The following SDC4 variants were observed in gnomAD, a reference collection of about 807,000 sequenced individuals.
The protein encoded by SDC4 is syndecan 4, also known as syndecan-4.
In SDC4, 17 loss-of-function variants were observed where a neutral mutation model predicts 20.5. The observed-to-expected ratio is 0.83, with a 90% CI of 0.57 to 1.25. SDC4 has a LOEUF of 1.25. SDC4 is among the 50% of genes most tolerant of loss of function. The probability of loss-of-function intolerance (pLI) is 0.00; values close to 1 mark genes in which losing one functional copy is unlikely to be tolerated. For synonymous variants in SDC4, 107 were observed against 105.3 expected (o/e 1.02, Z -0.10); for missense variants, 241 against 252.3 (o/e 0.96, Z 0.30).
intron 1 of SDC4, among the ~76,000 whole-genome samples, chr20:45,337,566 AG>A (rs1466165143): frequency 6.6e-6 from 1 of 152,250 alleles, no homozygotes; most frequent in Non-Finnish European, 1.5e-5. Flanking sequence ...CACCCCAGGC[AG>A]TCCTTCACTC....
At chr20:45,330,590 C>T in intron 3 of SDC4, 26 bp from the exon 4 acceptor site, 1 of 1,604,378 alleles carries the variant, frequency 6.2e-7, no homozygotes, top group South Asian at 1.1e-5. Flanking sequence ...GGAGAAGAGA[C>T]ACTCAGCGTA....
In SDC4 at chr20:45,334,334, T is replaced by C. The variant is rs117796294; in HGVS notation, c.200-1265A>G. Among the ~76,000 whole-genome samples the C allele has an allele frequency of 7.2e-4, 109 of 151,896 alleles. 1 individual carries two copies. In the East Asian group the frequency reaches 0.019, roughly 26 times the overall value. ...TTAACAAGATCCCCAGGGAATTAAC[T>C]TTTGAGAAAGAAAACTCTAACTGCA... On this transcript the variant is annotated intron_variant, in intron 2 of 4. Coordinates refer to ENST00000372733, the MANE Select transcript of SDC4 (RefSeq NM_002999.4).
chr20:45,338,477 TGA>T (rs1389840561), intron 1 of SDC4, among the ~76,000 whole-genome samples: 2 of 152,196 alleles, frequency 1.3e-5, no homozygotes, highest in African/African-American at 2.4e-5. Flanking sequence ...TGTCTCAGGC[TGA>T]GAGACCTTTT....
intron 1 of SDC4, among the ~76,000 whole-genome samples, chr20:45,344,735 G>A (rs1262855582): frequency 6.6e-6 from 1 of 152,186 alleles, no homozygotes; most frequent in East Asian, 1.9e-4. Flanking sequence ...CTTCACCAAG[G>A]AGGCCAGCAA....
chr20:45,326,104 A>G lies in SDC4; in HGVS notation c.*1160T>C, dbSNP rs182325311. On this transcript the variant is annotated 3_prime_UTR_variant, in exon 5 of 5. Transcript: ENST00000372733. Reference sequence around the variant, plus strand: ...AAACACCACACTATTTCCTGAAAAAAATATATTTATCTATTTTTCTAGAAC... The same window carrying G: ...AAACACCACACTATTTCCTGAAAAAGATATATTTATCTATTTTTCTAGAAC... The G allele has an allele frequency of 5.4e-5, 8 of 147,242 alleles. No homozygotes were observed. The highest frequency in any genetic ancestry group is 1.7e-4 in the African/African-American group (7 of 40,460). The allele number at this position is 147,242 out of a possible 1,614,324, so 9.1% of individuals were successfully genotyped here. A position where few individuals can be genotyped will look rare whatever the true frequency, so the allele number is the denominator to read the frequency against.
intron 1 of SDC4, among the ~76,000 whole-genome samples, chr20:45,346,442 C>T (rs1283276155): frequency 1.3e-5 from 2 of 152,176 alleles, no homozygotes; most frequent in Non-Finnish European, 2.9e-5. Flanking sequence ...ACACAGTCCC[C>T]TTCCCCCAAA....
In SDC4 at chr20:45,326,739, G is replaced by A. The variant is rs1600727280; in HGVS notation, c.*525C>T. ...CTTGAAAGAGCCTAGAATGGCCCCA[G>A]GTATATACCACAGAGATTCCCGTAG... On this transcript the variant is annotated 3_prime_UTR_variant, in exon 5 of 5. Transcript: ENST00000372733. 1 of 152,686 alleles carries A rather than the reference G, an allele frequency of 6.5e-6. No individual in the cohort carries two copies. Among genetic ancestry groups the A allele is most frequent in the African/African-American group, 2.4e-5 (1 of 41,430 alleles). The allele number at this position is 152,686 out of a possible 1,614,324, so 9.5% of individuals were successfully genotyped here.
chr20:45,329,969 G>A (rs565728649), intron 4 of SDC4, among the ~76,000 whole-genome samples: 3 of 152,112 alleles, frequency 2.0e-5, no homozygotes, highest in East Asian at 1.9e-4. Context: ...AGGCTGCCAA[G>A]TGATAGAGTA....
chr20:45,335,328 A>C (rs1489225206), intron 2 of SDC4, among the ~76,000 whole-genome samples: 1 of 152,036 alleles, frequency 6.6e-6, no homozygotes, highest in Non-Finnish European at 1.5e-5. Context: ...CTACAGGTGC[A>C]TGCCACCACA....
At position 45,348,411 on chromosome 20, in the gene SDC4, A is replaced by T; in HGVS notation, c.-27T>A. On this transcript the variant is annotated 5_prime_UTR_variant, in exon 1 of 5. Transcript: ENST00000372733. ...GCACCGCGGACTGGAGAAGGCGCGC[A>T]GGCTGCGGCGAGTGGCCCCGGGCGG... 6.5e-7 allele frequency: 1 copy of T among 1,529,790 alleles called. No homozygotes were observed. The highest frequency in any genetic ancestry group is 8.8e-7 in the Non-Finnish European group (1 of 1,141,498). The allele number at this position is 1,529,790 out of a possible 1,614,324, so 94.8% of individuals were successfully genotyped here.
At chr20:45,327,668 G>A (rs965844906) in intron 4 of SDC4, among the ~76,000 whole-genome samples, 7 of 134,354 alleles carry the variant, frequency 5.2e-5, no homozygotes, top group South Asian at 5.0e-4. Context: ...TTTTTGAGAC[G>A]AAGTCTCACT....
At chr20:45,346,031 G>A (rs2741452) in intron 1 of SDC4, among the ~76,000 whole-genome samples, 67,970 of 151,902 alleles carry the variant, frequency 0.45, 17,435 homozygotes, top group East Asian at 0.88. Context: ...TCACATTTGG[G>A]AAGTGGGCAT....
chr20:45,346,341 T>C (rs751503067), intron 1 of SDC4, among the ~76,000 whole-genome samples: 11 of 152,136 alleles, frequency 7.2e-5, no homozygotes, highest in Non-Finnish European at 1.6e-4. Context: ...AGGGGAGAGC[T>C]GAGGTCAGGA....
chr20:45,341,650 G>C (rs746048237), intron 1 of SDC4, among the ~76,000 whole-genome samples: 1 of 152,130 alleles, frequency 6.6e-6, no homozygotes, highest in Non-Finnish European at 1.5e-5. Context: ...TCTGGGGGTG[G>C]GGGTGGAGTG....
rs532007204 is a variant in SDC4 at position 45,348,375 on chromosome 20, C to T, written c.10G>A (p.Ala4Thr). 762 of 1,584,616 alleles carry T rather than the reference C, an allele frequency of 4.8e-4. 10 individuals carry two copies. In the South Asian group the frequency reaches 8.1e-3, roughly 17 times the overall value. ...AACAGCAGCAGCGCGAACAGACGGG[C>T]GGGGGCCATGGCACCGCGGACTGGA... MAP[A>T]RLFALLLFFV... The change falls in exon 1 of 5, where the codon GCC (alanine) becomes ACC (threonine). Residue 4 changes from alanine to threonine, a missense_variant. Physicochemically the swap from Ala to Thr is moderately conservative, Grantham distance 58. Transcript: ENST00000372733.
intron 3 of SDC4, among the ~76,000 whole-genome samples, chr20:45,331,884 G>C (rs922084020): frequency 1.3e-5 from 2 of 152,174 alleles, no homozygotes; most frequent in Non-Finnish European, 2.9e-5. Context: ...TGGGCAACCA[G>C]CAGCCAATGC....
At chr20:45,344,030 A>C (rs1365548057) in intron 1 of SDC4, among the ~76,000 whole-genome samples, 1 of 152,228 alleles carries the variant, frequency 6.6e-6, no homozygotes, top group Non-Finnish European at 1.5e-5. Flanking sequence ...GGCCAGCCCC[A>C]GGAAGCAAAG....
chr20:45,343,661 C>T (rs1411829763), intron 1 of SDC4, among the ~76,000 whole-genome samples: 10 of 152,218 alleles, frequency 6.6e-5, no homozygotes, highest in Admixed American at 5.2e-4. Flanking sequence ...TCCCTTCCCA[C>T]CTCCCAGCTG....
rs964839574 is a variant in SDC4 at position 45,342,470 on chromosome 20, T to G, written c.60+5855A>C. ...TGCTGGGCTTCACCAAGTCACTGTT[T>G]CCACACATACCAGCCTCTCCCTGCC... On this transcript the variant is annotated intron_variant, in intron 1 of 4. Coordinates refer to ENST00000372733, the MANE Select transcript of SDC4 (RefSeq NM_002999.4). Among the ~76,000 whole-genome samples the G allele has an allele frequency of 3.3e-5, 5 of 152,216 alleles. 1 individual carries two copies. The highest frequency in any genetic ancestry group is 6.3e-3 in the Middle Eastern group (2 of 316).
Sources: gnomAD v4.1 joint callset for allele counts (sites outside exome capture counted in the v4.1 genomes callset) on GRCh38, gnomAD v4.1.1 for gene constraint, MANE v1.5 for transcripts, NCBI Gene and HGNC (gene_info 2026-07-23, HGNC 2026-07-21) for gene names.